ATXN10: variants seen among roughly 807,000 people sequenced by gnomAD.
The protein encoded by ATXN10 is ataxin 10.
ATXN10 carries 28 observed loss-of-function variants against 52.9 expected under a neutral mutation model. That is an observed-to-expected ratio of 0.53 (90% CI 0.39 to 0.73). The LOEUF is 0.73. Ranked by LOEUF, ATXN10 falls within the 30% of genes least tolerant of loss-of-function variation. The pLI is 0.00. For missense variants in ATXN10, 565 were observed against 577.0 expected (o/e 0.98, Z 0.21); for synonymous variants, 226 against 221.5 (o/e 1.02, Z -0.18).
At position 45,770,117 on chromosome 22, in the gene ATXN10, C is replaced by T. The variant is rs1926724737; in HGVS notation, c.1173+29579C>T. 6.6e-6 allele frequency among the ~76,000 whole-genome samples: 1 copy of T among 152,132 alleles called. No individual in the cohort carries two copies. The highest frequency in any genetic ancestry group is 2.1e-4 in the South Asian group (1 of 4,824). ...GTCAAGCTCTGTGCTTTCTGTATGC[C>T]ATTTACCTAGGAGAGGTGTTACTCC... is the stretch of plus-strand genomic sequence containing the variant. On this transcript the variant is annotated intron_variant, in intron 9 of 11. Coordinates refer to ENST00000252934, the MANE Select transcript of ATXN10 (RefSeq NM_013236.4). This position sits in a 1 kb window ranked among gnomAD's most constrained non-coding sequence, Gnocchi z 4.5.
chr22:45,726,536 T>C (rs1353983020), intron 6 of ATXN10, among the ~76,000 whole-genome samples: 1 of 152,266 alleles, frequency 6.6e-6, no homozygotes, highest in Non-Finnish European at 1.5e-5. Flanking sequence ...TTGAGCTAAT[T>C]TGAATTTTCT....
intron 5 of ATXN10, among the ~76,000 whole-genome samples, chr22:45,711,992 T>C (rs557223983): frequency 5.3e-5 from 8 of 152,360 alleles, no homozygotes; most frequent in South Asian, 4.1e-4. Flanking sequence ...TGGAATACTT[T>C]AGAATATAAA....
intron 9 of ATXN10, among the ~76,000 whole-genome samples, chr22:45,749,466 T>G (rs1267551254): frequency 6.6e-6 from 1 of 152,226 alleles, no homozygotes; most frequent in African/African-American, 2.4e-5. Context: ...GGCAGGACAT[T>G]GTATTACAGC....
Position 45,677,771 on chromosome 22 carries a change from A to G in ATXN10, c.116+5592A>G, listed in dbSNP as rs969224943. 1 of 152,212 alleles carries G rather than the reference A, an allele frequency of 6.6e-6. No individual in the cohort carries two copies. The highest frequency in any genetic ancestry group is 2.4e-5 in the African/African-American group (1 of 41,460). The allele number at this position is 152,212 out of a possible 1,614,324, so 9.4% of individuals were successfully genotyped here. Reference sequence around the variant, plus strand: ...TAAAACTTCAGTGAGAGACTACTGCATGCCGTTTAGGATGGCTATTATCCA... The same window carrying G: ...TAAAACTTCAGTGAGAGACTACTGCGTGCCGTTTAGGATGGCTATTATCCA... On this transcript the variant is annotated intron_variant, in intron 1 of 11. Transcript: ENST00000252934. This position sits in a 1 kb window ranked among gnomAD's most constrained non-coding sequence, Gnocchi z 4.1.
At chr22:45,753,228 T>C (rs1470794968) in intron 9 of ATXN10, among the ~76,000 whole-genome samples, 1 of 151,602 alleles carries the variant, frequency 6.6e-6, no homozygotes, top group Non-Finnish European at 1.5e-5. Context: ...GATTTTTTTT[T>C]TCTGTCTTTT....
Position 45,735,812 on chromosome 22 carries a change from CTTTTTTTTTTTTTTT to C in ATXN10, c.895-2910_895-2896del, listed in dbSNP as rs746222703. Among the ~76,000 whole-genome samples the C allele has an allele frequency of 5.9e-4, 39 of 65,828 alleles. 2 individuals are homozygous for C. In the East Asian group the frequency reaches 0.019, roughly 32 times the overall value. 43.2% of individuals were successfully genotyped at this position (65,828 alleles called of 152,430 possible). On this transcript the variant is annotated intron_variant, in intron 7 of 11. Transcript: ENST00000252934. ...CACGATGTTCCCTTCATTTGCTTGT[CTTTTTTTTTTTTTTT>C]TTTTTTTTGCCCTAGTGCCTGATTT...
At chr22:45,731,842 A>C (rs1355053275) in intron 7 of ATXN10, among the ~76,000 whole-genome samples, 1 of 152,136 alleles carries the variant, frequency 6.6e-6, no homozygotes, top group African/African-American at 2.4e-5. Flanking sequence ...CGTTAACTTT[A>C]GTTCTCATTT....
rs1392452891 is a variant in ATXN10 at position 45,672,054 on chromosome 22, G to A, written c.-10G>A. ...TCCTCGTCAGGCTCGACCCAGCTGTGAGCGGCAAGATGGCGGCGCCCAGGC... is the reference window on the plus strand; with the variant it reads ...TCCTCGTCAGGCTCGACCCAGCTGTAAGCGGCAAGATGGCGGCGCCCAGGC... On this transcript the variant is annotated 5_prime_UTR_variant, in exon 1 of 12. Transcript: ENST00000252934. 3 of 1,535,522 alleles carry A rather than the reference G, an allele frequency of 2.0e-6. No homozygotes were observed. Among genetic ancestry groups the A allele is most frequent in the East Asian group, 2.5e-5 (1 of 40,730 alleles).
intron 9 of ATXN10, among the ~76,000 whole-genome samples, chr22:45,764,725 A>G (rs1240109714): frequency 1.3e-5 from 2 of 152,222 alleles, no homozygotes; most frequent in East Asian, 3.8e-4. Flanking sequence ...TGGAACAAAT[A>G]ACAACATTCG....
Position 45,840,864 on chromosome 22 carries a change from T to C in ATXN10, c.1238-2127T>C, listed in dbSNP as rs757229890. On this transcript the variant is annotated intron_variant, in intron 10 of 11. Coordinates refer to ENST00000252934, the MANE Select transcript of ATXN10 (RefSeq NM_013236.4). This position sits in a 1 kb window ranked among gnomAD's most constrained non-coding sequence, Gnocchi z 5.8. Reference sequence around the variant, plus strand: ...TCTTTCATTTACCATTAGAGAGTTATACTCATGAACAAAAATTCCCCAGTC... The same window carrying C: ...TCTTTCATTTACCATTAGAGAGTTACACTCATGAACAAAAATTCCCCAGTC... Among the ~76,000 whole-genome samples the C allele has an allele frequency of 2.7e-4, 41 of 152,352 alleles. No individual in the cohort carries two copies. In the Middle Eastern group the frequency reaches 0.017, roughly 63 times the overall value.
In ATXN10 at chr22:45,718,645, C is replaced by T; in HGVS notation, c.728+152C>T. The T allele has an allele frequency of 1.3e-6, 1 of 788,004 alleles. No individual in the cohort carries two copies. Among genetic ancestry groups the T allele is most frequent in the East Asian group, 2.6e-5 (1 of 37,774 alleles). 48.8% of individuals were successfully genotyped at this position (788,004 alleles called of 1,614,324 possible). ...TAATGGTTTTAAATTGGTTGGTTAA[C>T]ATTACAGCTTAGCCACAGTAGGCAG... On this transcript the variant is annotated intron_variant, in intron 6 of 11. Coordinates refer to ENST00000252934, the MANE Select transcript of ATXN10 (RefSeq NM_013236.4). The surrounding 1 kb of genome is among the most constrained non-coding windows in gnomAD (Gnocchi z 4.4).
chr22:45,800,617 G>C (rs1417364106), intron 9 of ATXN10, among the ~76,000 whole-genome samples: 1 of 152,158 alleles, frequency 6.6e-6, no homozygotes, highest in Admixed American at 6.5e-5. Context: ...ATGAAAACAT[G>C]CACCCATGAA....
intron 9 of ATXN10, among the ~76,000 whole-genome samples, chr22:45,751,146 G>A (rs373152657): frequency 6.6e-6 from 1 of 152,236 alleles, no homozygotes; most frequent in East Asian, 1.9e-4. Flanking sequence ...GCCCAGGCTG[G>A]TCTTGAATTC....
chr22:45,838,847 A>G (rs1438849236), intron 10 of ATXN10, among the ~76,000 whole-genome samples: 1 of 152,214 alleles, frequency 6.6e-6, no homozygotes. Context: ...TGTGATTATG[A>G]TTAAGTCTAG....
intron 9 of ATXN10, among the ~76,000 whole-genome samples, chr22:45,751,494 T>G (rs1925947322): frequency 6.6e-6 from 1 of 151,782 alleles, no homozygotes; most frequent in Non-Finnish European, 1.5e-5. Context: ...ATTCTTCCAC[T>G]GTTATATGTG....
chr22:45,831,263 G>T (rs975604280), intron 10 of ATXN10, among the ~76,000 whole-genome samples: 15 of 152,108 alleles, frequency 9.9e-5, no homozygotes, highest in African/African-American at 3.4e-4. Context: ...TTGCGGAGAT[G>T]GATGGTGGTG....
At chr22:45,749,917 C>T (rs980836577) in intron 9 of ATXN10, among the ~76,000 whole-genome samples, 3 of 151,926 alleles carry the variant, frequency 2.0e-5, no homozygotes, top group Non-Finnish European at 4.4e-5. Context: ...CAGGCACATG[C>T]GTATTTCCGA....
chr22:45,726,134 C>G (rs1924859149), intron 6 of ATXN10, among the ~76,000 whole-genome samples: 1 of 152,078 alleles, frequency 6.6e-6, no homozygotes, highest in Non-Finnish European at 1.5e-5. Context: ...ATGTCCTTTA[C>G]TGCTTTTGGT....
intron 10 of ATXN10, among the ~76,000 whole-genome samples, chr22:45,812,564 T>C (rs1358697384): frequency 1.3e-5 from 2 of 152,212 alleles, no homozygotes; most frequent in Admixed American, 6.5e-5. Context: ...GGTTTGTCAG[T>C]CATATTATTT....
Sources: gnomAD v4.1 joint callset for allele counts (sites outside exome capture counted in the v4.1 genomes callset) on GRCh38, gnomAD v4.1.1 for gene constraint, Gnocchi (gnomAD v3.1) non-coding constraint, MANE v1.5 for transcripts, NCBI Gene and HGNC (gene_info 2026-07-23, HGNC 2026-07-21) for gene names.